KCNH8: variants seen among roughly 807,000 people sequenced by gnomAD.
KCNH8 encodes the protein potassium voltage-gated channel subfamily H member 8, also known as voltage-gated delayed rectifier potassium channel KCNH8.
Under a neutral mutation model 103.6 loss-of-function variants are expected in KCNH8, and 70 were observed. The observed-to-expected ratio is 0.68, with a 90% CI of 0.56 to 0.82. The LOEUF (loss-of-function observed/expected upper bound fraction) is 0.82. Among genes scored for constraint, KCNH8 ranks in the 40% least tolerant of loss-of-function variants. The pLI, the probability that KCNH8 is intolerant of heterozygous loss-of-function variation, is 0.00. For synonymous variants in KCNH8, 498 were observed against 489.4 expected (o/e 1.02, Z -0.23); for missense variants, 1,217 against 1,329.9 (o/e 0.92, Z 1.32).
intron 11 of KCNH8, among the ~76,000 whole-genome samples, chr3:19,464,095 G>A (rs944320328): frequency 6.6e-6 from 1 of 152,110 alleles, no homozygotes; most frequent in Non-Finnish European, 1.5e-5. Flanking sequence ...ACCTAAGACA[G>A]TCCAGAAGAA....
chr3:19,381,726 C>G (rs551393734), intron 5 of KCNH8, among the ~76,000 whole-genome samples: 1 of 151,898 alleles, frequency 6.6e-6, no homozygotes, highest in Non-Finnish European at 1.5e-5. Flanking sequence ...CAGAAATTAC[C>G]AAGGATTGGA....
At chr3:19,414,506 A>G (rs982665327) in intron 7 of KCNH8, among the ~76,000 whole-genome samples, 1 of 152,084 alleles carries the variant, frequency 6.6e-6, no homozygotes, top group Non-Finnish European at 1.5e-5. Context: ...GAAACAGCTC[A>G]GGTTATTTCA....
intron 3 of KCNH8, among the ~76,000 whole-genome samples, chr3:19,324,965 G>A (rs1007376882): frequency 6.6e-6 from 1 of 152,146 alleles, no homozygotes; most frequent in Non-Finnish European, 1.5e-5. Flanking sequence ...AACCAGAAGA[G>A]CATGGTACTG....
chr3:19,445,300 T>C (rs1343477932), intron 8 of KCNH8, among the ~76,000 whole-genome samples: 1 of 151,888 alleles, frequency 6.6e-6, no homozygotes, highest in Admixed American at 6.6e-5. Context: ...AATTGGTAAC[T>C]GTGGTTACCT....
At chr3:19,242,400 T>A (rs917417442) in intron 1 of KCNH8, among the ~76,000 whole-genome samples, 1 of 152,122 alleles carries the variant, frequency 6.6e-6, no homozygotes, top group Non-Finnish European at 1.5e-5. Flanking sequence ...TAGAGGGGGA[T>A]TAAAGGATTA....
At chr3:19,396,105 T>A (rs1449965234) in intron 7 of KCNH8, among the ~76,000 whole-genome samples, 2 of 151,664 alleles carry the variant, frequency 1.3e-5, no homozygotes, top group Non-Finnish European at 2.9e-5. Flanking sequence ...TTATGTAGAA[T>A]TTTTTTTTAT....
At chr3:19,434,436 G>A (rs1420789984) in intron 7 of KCNH8, among the ~76,000 whole-genome samples, 1 of 152,166 alleles carries the variant, frequency 6.6e-6, no homozygotes, top group Non-Finnish European at 1.5e-5. Context: ...AACTTATCCT[G>A]ATATCTCTCA....
intron 5 of KCNH8, among the ~76,000 whole-genome samples, chr3:19,368,952 C>T (rs2066049764): frequency 6.6e-6 from 1 of 151,974 alleles, no homozygotes; most frequent in African/African-American, 2.4e-5. Context: ...TCTGAAAAGA[C>T]TCCCTTCTGG....
At chr3:19,486,797 G>T (rs1457714755) in intron 11 of KCNH8, among the ~76,000 whole-genome samples, 1 of 152,160 alleles carries the variant, frequency 6.6e-6, no homozygotes, top group Non-Finnish European at 1.5e-5. Flanking sequence ...AAACCTTACA[G>T]CTCGTAGGAA....
chr3:19,246,853 G>T (rs867529843), intron 1 of KCNH8, among the ~76,000 whole-genome samples: 1 of 152,138 alleles, frequency 6.6e-6, no homozygotes, highest in Non-Finnish European at 1.5e-5. Flanking sequence ...GGGTGATGTT[G>T]CTGGCCCACG....
chr3:19,225,468 A>G (rs1417967827), intron 1 of KCNH8, among the ~76,000 whole-genome samples: 1 of 152,102 alleles, frequency 6.6e-6, no homozygotes, highest in African/African-American at 2.4e-5. Flanking sequence ...CAGTTATTAC[A>G]TCTTGAATAT....
chr3:19,336,904 A>G (rs2065592124), intron 3 of KCNH8, among the ~76,000 whole-genome samples: 1 of 152,028 alleles, frequency 6.6e-6, no homozygotes. Flanking sequence ...TAAAACCTAA[A>G]ATGACAACTG....
At chr3:19,439,215 T>C (rs986144868) in intron 8 of KCNH8, among the ~76,000 whole-genome samples, 2 of 152,188 alleles carry the variant, frequency 1.3e-5, no homozygotes, top group Admixed American at 6.5e-5. Flanking sequence ...CTCTAGAGAA[T>C]TTTATGACAA....
chr3:19,504,986 CAT>C (rs1320917415), intron 11 of KCNH8, among the ~76,000 whole-genome samples: 2 of 150,016 alleles, frequency 1.3e-5, no homozygotes, highest in South Asian at 2.1e-4. Context: ...TATATATACA[CAT>C]ATATATATCT....
intron 2 of KCNH8, among the ~76,000 whole-genome samples, chr3:19,280,403 C>T (rs2064739949): frequency 6.6e-6 from 1 of 152,038 alleles, no homozygotes; most frequent in South Asian, 2.1e-4. Flanking sequence ...CCTACAACTC[C>T]CAGACCTGAA....
At chr3:19,190,368 A>G (rs997927043) in intron 1 of KCNH8, among the ~76,000 whole-genome samples, 4 of 152,006 alleles carry the variant, frequency 2.6e-5, no homozygotes, top group Non-Finnish European at 5.9e-5. Flanking sequence ...CAGATGCCTC[A>G]GTAAATGTAG....
chr3:19,395,332 C>T lies in KCNH8; in HGVS notation c.1177+21C>T, dbSNP rs751304350. ...AGTTGGTAAGGGCTTACATTTGTCA[C>T]ATTTTCCATTTTTTAATTTAAAAAA... On this transcript the variant is annotated intron_variant, in intron 7 of 15. Transcript: ENST00000328405. 8.5e-6 allele frequency: 13 copies of T among 1,536,016 alleles called. No individual in the cohort carries two copies. In the Admixed American group the frequency reaches 1.9e-4, roughly 23 times the overall value.
chr3:19,196,967 T>G (rs1197297672), intron 1 of KCNH8, among the ~76,000 whole-genome samples: 1 of 151,998 alleles, frequency 6.6e-6, no homozygotes, highest in Non-Finnish European at 1.5e-5. Context: ...CAACTTCAAA[T>G]TCAGAATTTC....
chr3:19,394,022 G>T (rs2125133171), intron 6 of KCNH8, among the ~76,000 whole-genome samples: 1 of 152,092 alleles, frequency 6.6e-6, no homozygotes, highest in Non-Finnish European at 1.5e-5. Flanking sequence ...GCAGAGGAAA[G>T]AATTGGAAGT....
Sources: allele counts gnomAD v4.1 joint callset (sites outside exome capture counted in the v4.1 genomes callset), GRCh38; gene constraint gnomAD v4.1.1; transcripts MANE v1.5; gene names NCBI Gene and HGNC (gene_info 2026-07-23, HGNC 2026-07-21).